ARHGAP15: variants seen among roughly 807,000 people sequenced by gnomAD.
ARHGAP15 encodes rho GTPase-activating protein 15.
Under a neutral mutation model 63.7 loss-of-function variants are expected in ARHGAP15, and 51 were observed. The ratio of observed to expected loss-of-function variants is 0.80; its 90% CI spans 0.64 to 1.01. ARHGAP15 has a LOEUF of 1.01. ARHGAP15 is among the 50% of genes least tolerant of loss of function. The pLI, the probability that ARHGAP15 is intolerant of heterozygous loss-of-function variation, is 0.00. For missense variants in ARHGAP15, 560 were observed against 564.6 expected (o/e 0.99, Z 0.08); for synonymous variants, 191 against 193.8 (o/e 0.99, Z 0.12).
chr2:143,163,807 G>A (rs1346727221), intron 2 of ARHGAP15, among the ~76,000 whole-genome samples: 2 of 152,204 alleles, frequency 1.3e-5, no homozygotes, highest in East Asian at 3.9e-4. Flanking sequence ...AAGTGGGGGC[G>A]GCGGTGTGTT....
At chr2:143,658,578 G>T (rs1256942969) in intron 12 of ARHGAP15, among the ~76,000 whole-genome samples, 2 of 152,044 alleles carry the variant, frequency 1.3e-5, no homozygotes, top group Non-Finnish European at 1.5e-5. Context: ...CCAGAGGTAG[G>T]GTAAATTACA....
chr2:143,422,069 A>G (rs938045064), intron 6 of ARHGAP15, among the ~76,000 whole-genome samples: 1 of 152,152 alleles, frequency 6.6e-6, no homozygotes, highest in Non-Finnish European at 1.5e-5. Flanking sequence ...GCATTCAGGT[A>G]AATTAACAAG....
At chr2:143,580,034 A>G (rs1696833503) in intron 11 of ARHGAP15, among the ~76,000 whole-genome samples, 1 of 148,330 alleles carries the variant, frequency 6.7e-6, no homozygotes, top group Non-Finnish European at 1.5e-5. Context: ...AGAGCTGAAG[A>G]AAAGTTCTTT....
chr2:143,315,416 A>T (rs1683655970), intron 6 of ARHGAP15, among the ~76,000 whole-genome samples: 1 of 152,202 alleles, frequency 6.6e-6, no homozygotes, highest in South Asian at 2.1e-4. Context: ...ATATTATTAT[A>T]ATAACAATAG....
chr2:143,385,472 T>TG (rs768399994), intron 6 of ARHGAP15, among the ~76,000 whole-genome samples: 51 of 152,154 alleles, frequency 3.4e-4, no homozygotes, highest in Non-Finnish European at 6.6e-4. Flanking sequence ...CTGTATACAT[T>TG]GGAAAGCCTT....
chr2:143,151,324 G>C (rs932731875), intron 1 of ARHGAP15, among the ~76,000 whole-genome samples: 1 of 151,904 alleles, frequency 6.6e-6, no homozygotes, highest in East Asian at 1.9e-4. Context: ...GCTCTAGGAG[G>C]CACCATTTTC....
chr2:143,231,964 A>G (rs184552670), intron 5 of ARHGAP15, among the ~76,000 whole-genome samples: 3 of 152,282 alleles, frequency 2.0e-5, no homozygotes, highest in African/African-American at 7.2e-5. Context: ...CAAAGGCCCT[A>G]CCTCCTAATG....
At chr2:143,639,755 G>A (rs1238946185) in intron 12 of ARHGAP15, among the ~76,000 whole-genome samples, 1 of 152,028 alleles carries the variant, frequency 6.6e-6, no homozygotes, top group Non-Finnish European at 1.5e-5. Flanking sequence ...TGCCAGAAAA[G>A]TATTTTCATG....
chr2:143,712,656 A>G (rs542393232), intron 13 of ARHGAP15, among the ~76,000 whole-genome samples: 11 of 152,348 alleles, frequency 7.2e-5, no homozygotes, highest in African/African-American at 2.6e-4. Flanking sequence ...TATTGATAGA[A>G]AAAACATTTG....
Position 143,331,884 on chromosome 2 carries a change from C to G in ARHGAP15, c.474+81284C>G, listed in dbSNP as rs16822356. ...CTTATAAGACGTAAGCTTCACACCT[C>G]ATAAATTTAGTCAGCTTGTTTCTAC... On this transcript the variant is annotated intron_variant, in intron 6 of 13. Transcript: ENST00000295095. 9.0e-3 allele frequency among the ~76,000 whole-genome samples: 1,376 copies of G among 152,216 alleles called. 25 individuals are homozygous for G. Among genetic ancestry groups the G allele is most frequent in the African/African-American group, 0.031 (1,300 of 41,542 alleles).
At chr2:143,539,605 A>G (rs1464722342) in intron 10 of ARHGAP15, among the ~76,000 whole-genome samples, 1 of 152,110 alleles carries the variant, frequency 6.6e-6, no homozygotes, top group Non-Finnish European at 1.5e-5. Flanking sequence ...GTTTCAAAGA[A>G]CATCTTTATT....
intron 6 of ARHGAP15, among the ~76,000 whole-genome samples, chr2:143,405,229 T>G (rs1688148568): frequency 6.6e-6 from 1 of 151,468 alleles, no homozygotes; most frequent in African/African-American, 2.4e-5. Context: ...ATGTATACCT[T>G]CCTATAGCAA....
intron 6 of ARHGAP15, among the ~76,000 whole-genome samples, chr2:143,345,693 T>C (rs541584147): frequency 6.6e-6 from 1 of 152,240 alleles, no homozygotes; most frequent in South Asian, 2.1e-4. Context: ...TTATAATTGT[T>C]ATTCAGTGCA....
At chr2:143,482,006 A>G (rs901872920) in intron 8 of ARHGAP15, among the ~76,000 whole-genome samples, 4 of 152,182 alleles carry the variant, frequency 2.6e-5, no homozygotes, top group Admixed American at 1.3e-4. Context: ...AAAGCATTCT[A>G]TTTGTTCAGG....
intron 6 of ARHGAP15, among the ~76,000 whole-genome samples, chr2:143,291,429 C>T (rs1035667019): frequency 4.7e-5 from 6 of 127,822 alleles, no homozygotes; most frequent in Admixed American, 3.7e-4. Flanking sequence ...CACAGACACA[C>T]TCAGGCACAT....
chr2:143,673,742 G>A lies in ARHGAP15; in HGVS notation c.1139-29677G>A, dbSNP rs1361653668. 1.6e-3 allele frequency among the ~76,000 whole-genome samples: 41 copies of A among 25,940 alleles called. 1 individual carries two copies. The highest frequency in any genetic ancestry group is 3.2e-3 in the South Asian group (1 of 310). The allele number at this position is 25,940 out of a possible 152,430, so 17.0% of individuals were successfully genotyped here. ...TTATATTGTGTGTGTGTGTGTGTGTGTGTGTGTGTGTGTGTGTATATATAT... is the reference window on the plus strand; with the variant it reads ...TTATATTGTGTGTGTGTGTGTGTGTATGTGTGTGTGTGTGTGTATATATAT... On this transcript the variant is annotated intron_variant, in intron 12 of 13. Coordinates refer to ENST00000295095, the MANE Select transcript of ARHGAP15 (RefSeq NM_018460.4).
intron 4 of ARHGAP15, among the ~76,000 whole-genome samples, chr2:143,220,652 G>A (rs1218621349): frequency 6.6e-6 from 1 of 152,114 alleles, no homozygotes; most frequent in Non-Finnish European, 1.5e-5. Context: ...AACAAAAATG[G>A]TCAGTTTAGT....
At chr2:143,199,330 C>A (rs1692010692) in intron 2 of ARHGAP15, among the ~76,000 whole-genome samples, 1 of 152,016 alleles carries the variant, frequency 6.6e-6, no homozygotes, top group South Asian at 2.1e-4. Flanking sequence ...GATGATGGTT[C>A]CAAAAAATAG....
chr2:143,546,697 A>T (rs1419443353), intron 10 of ARHGAP15, among the ~76,000 whole-genome samples: 1 of 152,130 alleles, frequency 6.6e-6, no homozygotes, highest in African/African-American at 2.4e-5. Flanking sequence ...AAACACACTA[A>T]GCAAGTCATA....
Sources: allele counts gnomAD v4.1 joint callset (sites outside exome capture counted in the v4.1 genomes callset), GRCh38; gene constraint gnomAD v4.1.1; transcripts MANE v1.5; gene names NCBI Gene and HGNC (gene_info 2026-07-23, HGNC 2026-07-21).